Variants in IFI44L observed in about 807,000 individuals in gnomAD.
IFI44L encodes interferon-induced protein 44-like.
IFI44L carries 40 observed loss-of-function variants against 39.3 expected under a neutral mutation model. That is an observed-to-expected ratio of 1.02 (90% CI 0.79 to 1.33). The LOEUF (loss-of-function observed/expected upper bound fraction) is 1.33, where lower values mean the gene tolerates loss of function less well. Ranked by LOEUF, IFI44L falls within the 40% of genes most tolerant of loss-of-function variation. IFI44L has a pLI of 0.00. For missense variants in IFI44L, 623 were observed against 549.0 expected (o/e 1.13, Z -1.35); for synonymous variants, 198 against 182.3 (o/e 1.09, Z -0.69).
At position 78,628,079 on chromosome 1, in the gene IFI44L, A is replaced by T. The variant is rs755987202; in HGVS notation, c.164A>T (p.Tyr55Phe). ...SRQGCTITMA[Y>F]IDYNMIVAFM... ...CAGGGATGTACTATAACAATGGCTT[A>T]CATTGATTACAATATGATTGTAGCC... Residue 55 changes from tyrosine to phenylalanine, a missense_variant, in exon 2 of 9, where the codon TAC becomes TTC. Physicochemically the swap from Tyr to Phe is conservative, Grantham distance 22. Coordinates refer to ENST00000370751, the MANE Select transcript of IFI44L (RefSeq NM_006820.4). 6.2e-7 allele frequency: 1 copy of T among 1,613,108 alleles called. No individual in the cohort carries two copies. The highest frequency in any genetic ancestry group is 1.3e-5 in the African/African-American group (1 of 74,902).
chr1:78,640,969 T>C, intron 6 of IFI44L, 52 bp from the exon 7 acceptor site: 1 of 1,312,100 alleles, frequency 7.6e-7, no homozygotes, highest in Non-Finnish European at 1.1e-6. Context: ...AATAACTTGT[T>C]GACACATTGC....
intron 7 of IFI44L, 44 bp downstream of exon 7, chr1:78,641,165 A>T: frequency 7.7e-7 from 1 of 1,294,368 alleles, no homozygotes. Flanking sequence ...TAATAGTATC[A>T]CAATCATACG....
At chr1:78,641,256 CTTGA>C in intron 7 of IFI44L, 135 bp downstream of exon 7, 1 of 858,076 alleles carries the variant, frequency 1.2e-6, no homozygotes, top group South Asian at 1.7e-5. Flanking sequence ...GGATCAATTG[CTTGA>C]TTAATTCAAA....
At chr1:78,639,059 C>G (rs1238490771) in intron 6 of IFI44L, among the ~76,000 whole-genome samples, 1 of 152,016 alleles carries the variant, frequency 6.6e-6, no homozygotes, top group Admixed American at 6.6e-5. Flanking sequence ...ATAGGATACC[C>G]TGACATCACA....
intron 4 of IFI44L, among the ~76,000 whole-genome samples, chr1:78,634,127 A>G (rs147929535): frequency 6.6e-6 from 1 of 152,272 alleles, no homozygotes; most frequent in East Asian, 1.9e-4. Flanking sequence ...AAAGGAGACA[A>G]GAAATTAAAA....
chr1:78,631,588 G>T (rs973739882), intron 4 of IFI44L: 6 of 152,050 alleles, frequency 3.9e-5, no homozygotes, highest in African/African-American at 1.4e-4. Flanking sequence ...ATTTTTTTGT[G>T]TATGTTGAAT....
At position 78,641,944 on chromosome 1, in the gene IFI44L, C is replaced by A; in HGVS notation, c.*135C>A. On this transcript the variant is annotated 3_prime_UTR_variant, in exon 9 of 9. Transcript: ENST00000370751. ...TTCTGTCCTTGGAACAGTCATATCT[C>A]AAGTTCAAAGGCCAAAACCTGAGAA... 9.8e-7 allele frequency: 1 copy of A among 1,022,510 alleles called. No homozygotes were observed. The highest frequency in any genetic ancestry group is 1.5e-6 in the Non-Finnish European group (1 of 647,662). 63.3% of individuals were successfully genotyped at this position (1,022,510 alleles called of 1,614,324 possible).
chr1:78,628,219 A>T lies in IFI44L; in HGVS notation c.304A>T (p.Asn102Tyr). 1.2e-6 allele frequency: 2 copies of T among 1,612,824 alleles called. No homozygotes were observed. Among genetic ancestry groups the T allele is most frequent in the Non-Finnish European group, 1.7e-6 (2 of 1,179,474 alleles). The change falls in exon 2 of 9, where the codon AAT (asparagine) becomes TAT (tyrosine). Residue 102 changes from asparagine to tyrosine, a missense_variant. By Grantham distance (143) the Asn-to-Tyr change is moderately radical. Transcript: ENST00000370751. ...CACTGAAATAGAAACTTTACTCTTAAATACAGCACCAAAAATTATTGATGA... is the reference window on the plus strand; with the variant it reads ...CACTGAAATAGAAACTTTACTCTTATATACAGCACCAAAAATTATTGATGA... ...DTTEIETLLLNTAPKIIDEQL... is the reference protein window; with the variant it reads ...DTTEIETLLLYTAPKIIDEQL...
intron 1 of IFI44L, chr1:78,626,949 C>G (rs533051867): frequency 6.6e-5 from 10 of 151,986 alleles, no homozygotes; most frequent in African/African-American, 2.4e-4. Context: ...TTTTGGTTTT[C>G]TCTGTAGCTC....
At chr1:78,630,933 G>A (rs939648739) in intron 4 of IFI44L, among the ~76,000 whole-genome samples, 5 of 152,086 alleles carry the variant, frequency 3.3e-5, no homozygotes, top group Non-Finnish European at 4.4e-5. Context: ...TTCAGACATA[G>A]AGACCTAAAT....
chr1:78,629,788 G>A lies in IFI44L; in HGVS notation c.596G>A (p.Arg199His), dbSNP rs756393987. ...RPYADLVSEIRILLVGPVGSG... is the reference protein window; with the variant it reads ...RPYADLVSEIHILLVGPVGSG... The stretch of plus-strand genomic sequence containing the variant: ...TATGCAGACTTGGTTTCAGAAATTC[G>A]TATTCTTTTGGTGGGTCCAGTTGGG... Residue 199 changes from arginine (R) to histidine (H), a missense_variant, in exon 4 of 9, where the codon CGT (arginine) becomes CAT (histidine). By Grantham distance (29) the Arg-to-His change is conservative (BLOSUM62 0). Transcript: ENST00000370751. The A allele has an allele frequency of 1.9e-5, 30 of 1,613,550 alleles. No individual in the cohort carries two copies. Among genetic ancestry groups the A allele is most frequent in the Non-Finnish European group, 2.3e-5 (27 of 1,179,754 alleles).
At position 78,641,871 on chromosome 1, in the gene IFI44L, A is replaced by AATC; in HGVS notation, c.*63_*65dup. 4 of 1,534,258 alleles carry AATC rather than the reference A, an allele frequency of 2.6e-6. No homozygotes were observed. Among genetic ancestry groups the AATC allele is most frequent in the Non-Finnish European group, 3.6e-6 (4 of 1,107,530 alleles). On this transcript the variant is annotated 3_prime_UTR_variant, in exon 9 of 9. Coordinates refer to ENST00000370751, the MANE Select transcript of IFI44L (RefSeq NM_006820.4). ...GTACTGGTGTGCCGCAATGAGAGTCAATCTCTATTGACAGCCTGCTTCAGA... is the reference window on the plus strand; with the variant it reads ...GTACTGGTGTGCCGCAATGAGAGTCAATCATCTCTATTGACAGCCTGCTTCAGA...
intron 6 of IFI44L, 119 bp from the exon 7 acceptor site, chr1:78,640,902 G>T: frequency 1.5e-6 from 1 of 651,350 alleles, no homozygotes; most frequent in Non-Finnish European, 2.7e-6. Flanking sequence ...ATGTATTGGG[G>T]ATATTTCATT....
chr1:78,621,770 A>C (rs1652283536), intron 1 of IFI44L, among the ~76,000 whole-genome samples: 1 of 151,978 alleles, frequency 6.6e-6, no homozygotes, highest in Non-Finnish European at 1.5e-5. Context: ...ATAACTTAAA[A>C]AATTAATATA....
At chr1:78,626,305 C>T (rs1270011189) in intron 1 of IFI44L, 1 of 151,892 alleles carries the variant, frequency 6.6e-6, no homozygotes, top group South Asian at 2.1e-4. Flanking sequence ...TTCAATCTTA[C>T]CTTTTAGCTG....
At chr1:78,640,747 C>G (rs1646972774) in intron 6 of IFI44L, among the ~76,000 whole-genome samples, 1 of 151,970 alleles carries the variant, frequency 6.6e-6, no homozygotes, top group African/African-American at 2.4e-5. Flanking sequence ...TCCCCTTGAC[C>G]AATTTAAAAC....
intron 5 of IFI44L, chr1:78,635,810 T>C: frequency 3.7e-6 from 1 of 266,844 alleles, no homozygotes; most frequent in Non-Finnish European, 7.0e-6. Flanking sequence ...ACTTTTTGGG[T>C]TACATAGACA....
intron 4 of IFI44L, 38 bp downstream of exon 4, chr1:78,629,953 C>T (rs1178956544): frequency 1.3e-6 from 2 of 1,530,312 alleles, no homozygotes; most frequent in Non-Finnish European, 1.8e-6. Flanking sequence ...TTATAGATTA[C>T]AATTATTATA....
intron 4 of IFI44L, among the ~76,000 whole-genome samples, chr1:78,634,926 C>T (rs914136406): frequency 2.0e-5 from 3 of 148,332 alleles, no homozygotes; most frequent in Admixed American, 1.3e-4. Flanking sequence ...TGGTTAAGCA[C>T]AAAACAAATA....
Sources: allele counts gnomAD v4.1 joint callset (sites outside exome capture counted in the v4.1 genomes callset), GRCh38; gene constraint gnomAD v4.1.1; transcripts MANE v1.5; gene names NCBI Gene and HGNC (gene_info 2026-07-23, HGNC 2026-07-21).